The following TMEM255B variants were observed in gnomAD, a reference collection of about 807,000 sequenced individuals.
The protein encoded by TMEM255B is family with sequence similarity 70, member B.
TMEM255B carries 35 observed loss-of-function variants against 34.5 expected under a neutral mutation model. That is an observed-to-expected ratio of 1.01 (90% CI 0.77 to 1.34). The LOEUF (loss-of-function observed/expected upper bound fraction) is 1.34, where lower values mean the gene tolerates loss of function less well. TMEM255B is among the 40% of genes most tolerant of loss of function. The probability of loss-of-function intolerance (pLI) is 0.00; values close to 1 mark genes in which losing one functional copy is unlikely to be tolerated. For synonymous variants in TMEM255B, 206 were observed against 201.2 expected, an observed-to-expected ratio of 1.02 and a Z score of -0.20; for missense variants, 432 against 433.2, an observed-to-expected ratio of 1.00 and a Z score of 0.02.
At chr13:113,789,163 G>GTT (rs879903702) in intron 3 of TMEM255B, among the ~76,000 whole-genome samples, 3 of 143,700 alleles carry the variant, frequency 2.1e-5, no homozygotes, top group Non-Finnish European at 3.1e-5. Flanking sequence ...GCTCAGTGTG[G>GTT]TTTTTTTTTT....
rs564887172 is a variant in TMEM255B at position 113,765,717 on chromosome 13, C to T, written c.47-398C>T. Among the ~76,000 whole-genome samples the T allele has an allele frequency of 3.3e-5, 5 of 152,202 alleles. 1 individual carries two copies. The South Asian group carries it at 6.2e-4, about 19-fold the overall frequency. Reference sequence around the variant, plus strand: ...CCCCACTGGGTGTGGCTGGGATAGGCGGATAGAGAGGGTGTGTCTGTGAGC... The same window carrying T: ...CCCCACTGGGTGTGGCTGGGATAGGTGGATAGAGAGGGTGTGTCTGTGAGC... On this transcript the variant is annotated intron_variant, in intron 1 of 8. Transcript: ENST00000375353.
chr13:113,766,085 A>C, intron 1 of TMEM255B, 30 bp from the exon 2 acceptor site: 1 of 1,612,692 alleles, frequency 6.2e-7, no homozygotes, highest in Admixed American at 1.7e-5. Flanking sequence ...CTGAGCCCTC[A>C]CTGACAGGTC....
chr13:113,814,987 G>C lies in TMEM255B; in HGVS notation c.*3084G>C, dbSNP rs1053003543. ...GCACAGGAGACAGGCTTCTCCTGCAGCTCAGAGGTGGGGGCCTAGTGTAGC... is the reference window on the plus strand; with the variant it reads ...GCACAGGAGACAGGCTTCTCCTGCACCTCAGAGGTGGGGGCCTAGTGTAGC... On this transcript the variant is annotated 3_prime_UTR_variant, in exon 9 of 9. Transcript: ENST00000375353. 2.7e-4 allele frequency: 41 copies of C among 152,060 alleles called. No homozygotes were observed. Among genetic ancestry groups the C allele is most frequent in the African/African-American group, 9.2e-4 (38 of 41,362 alleles). The allele number at this position is 152,060 out of a possible 1,614,324, so 9.4% of individuals were successfully genotyped here.
chr13:113,778,776 C>A (rs72672424), intron 3 of TMEM255B, among the ~76,000 whole-genome samples: 14,112 of 152,238 alleles, frequency 0.093, 730 homozygotes, highest in South Asian at 0.17. Flanking sequence ...CCTCACTAAC[C>A]TGACATTAGG....
At chr13:113,775,003 T>G (rs60093735) in intron 3 of TMEM255B, among the ~76,000 whole-genome samples, 1 of 75,540 alleles carries the variant, frequency 1.3e-5, no homozygotes, top group Non-Finnish European at 2.7e-5. Context: ...CACCACACAC[T>G]CCACACAATA....
chr13:113,793,930 A>AC (rs1008583642), intron 3 of TMEM255B, among the ~76,000 whole-genome samples: 1 of 151,868 alleles, frequency 6.6e-6, no homozygotes, highest in Non-Finnish European at 1.5e-5. Flanking sequence ...GCCAGCCCCC[A>AC]CCCCCCGCCT....
intron 1 of TMEM255B, among the ~76,000 whole-genome samples, chr13:113,764,129 C>T (rs960299900): frequency 2.2e-5 from 3 of 134,404 alleles, no homozygotes; most frequent in Non-Finnish European, 4.8e-5. Flanking sequence ...TGGGATGGGC[C>T]GGGGCGTGGG....
intron 8 of TMEM255B, 118 bp downstream of exon 8, chr13:113,805,146 G>T: frequency 1.6e-6 from 2 of 1,245,568 alleles, no homozygotes; most frequent in Non-Finnish European, 1.1e-6. Context: ...TCTGGATTAG[G>T]GATGGGAGGT....
intron 3 of TMEM255B, among the ~76,000 whole-genome samples, chr13:113,786,331 C>T (rs982621748): frequency 5.3e-5 from 8 of 151,970 alleles, no homozygotes; most frequent in African/African-American, 1.9e-4. Context: ...TCATCACCAT[C>T]CCCATCACCA....
chr13:113,811,769 G>T lies in TMEM255B; in HGVS notation c.847G>T (p.Ala283Ser), dbSNP rs772813521. ...CSRFPVAPSS[A>S]LASSEDLQPP... ...CCGCTTCCCAGTTGCGCCCTCCTCT[G>T]CCCTGGCTTCGTCTGAGGACCTGCA... The change falls in exon 9 of 9, where the codon GCC becomes TCC. Residue 283 changes from alanine to serine, a missense_variant. Ala to Ser is a moderately conservative substitution (Grantham distance 99). Transcript: ENST00000375353. The T allele has an allele frequency of 5.0e-6, 8 of 1,613,766 alleles. No homozygotes were observed. The highest frequency in any genetic ancestry group is 6.8e-6 in the Non-Finnish European group (8 of 1,179,906).
In TMEM255B at chr13:113,770,298, T is replaced by C. The variant is rs1300768288; in HGVS notation, c.252+1138T>C. On this transcript the variant is annotated intron_variant, in intron 3 of 8. Transcript: ENST00000375353. The surrounding 1 kb of genome is among the most constrained non-coding windows in gnomAD (Gnocchi z 4.6). ...ATCTTGTGAGACTTACTCACTATCATGAGAACAGCACAGGAAAGATCTGCC... is the reference window on the plus strand; with the variant it reads ...ATCTTGTGAGACTTACTCACTATCACGAGAACAGCACAGGAAAGATCTGCC... Among the ~76,000 whole-genome samples, 1 of 152,106 alleles carries C rather than the reference T, an allele frequency of 6.6e-6. No individual in the cohort carries two copies. The highest frequency in any genetic ancestry group is 1.5e-5 in the Non-Finnish European group (1 of 68,026).
Position 113,759,277 on chromosome 13 carries a change from C to T in TMEM255B, c.8C>T (p.Pro3Leu), listed in dbSNP as rs1482535784. The stretch of plus-strand genomic sequence containing the variant: ...GCCGGGTGGGGCCTCGGGATGCAGC[C>T]GCCGGTGCCCGGGCCCCTGGGCCTG... MQPPVPGPLGLLD... is the reference protein window; with the variant it reads MQLPVPGPLGLLD... Residue 3 changes from proline to leucine, a missense_variant, in exon 1 of 9, where the codon CCG becomes CTG. By Grantham distance (98) the Pro-to-Leu change is moderately conservative. Transcript: ENST00000375353. The T allele has an allele frequency of 1.4e-5, 17 of 1,228,704 alleles. No individual in the cohort carries two copies. The East Asian group carries it at 5.4e-4, about 39-fold the overall frequency. 76.1% of individuals were successfully genotyped at this position (1,228,704 alleles called of 1,614,324 possible).
In TMEM255B at chr13:113,807,476, G is replaced by A. The variant is rs1398504046; in HGVS notation, c.813+2448G>A. Among the ~76,000 whole-genome samples the A allele has an allele frequency of 2.0e-4, 26 of 127,058 alleles. 1 individual carries two copies. The highest frequency in any genetic ancestry group is 3.4e-4 in the Admixed American group (4 of 11,722). 83.4% of individuals were successfully genotyped at this position (127,058 alleles called of 152,430 possible). A position where few individuals can be genotyped will look rare whatever the true frequency, so the allele number is the denominator to read the frequency against. On this transcript the variant is annotated intron_variant, in intron 8 of 8. Transcript: ENST00000375353. ...ACGGGATGTGGGGGTGGTCCTCCCC[G>A]TCACACGCGGGCTTATGGGATGTGG...
rs763460349 is a variant in TMEM255B, at chr13:113,795,131, C to T, written c.253-17C>T. On this transcript the variant is annotated splice_polypyrimidine_tract_variant and intron_variant, in intron 3 of 8. Transcript: ENST00000375353. ...GTTGGTAAAAGCTGGGCACCCACAC[C>T]TCTCCTTCTGTTGCAGCTGGTGGCA... The T allele has an allele frequency of 6.2e-7, 1 of 1,613,164 alleles. No individual in the cohort carries two copies. Among genetic ancestry groups the T allele is most frequent in the East Asian group, 2.2e-5 (1 of 44,874 alleles).
In TMEM255B at chr13:113,811,772, C is replaced by T. The variant is rs1451549626; in HGVS notation, c.850C>T (p.Leu284=). The change falls in exon 9 of 9, where the codon CTG becomes TTG. Residue 284 remains leucine, a synonymous_variant. Transcript: ENST00000375353. The part of the protein sequence containing the change: ...SRFPVAPSSA[L]ASSEDLQPPS... Reference sequence around the variant, plus strand: ...CTTCCCAGTTGCGCCCTCCTCTGCCCTGGCTTCGTCTGAGGACCTGCAGCC... The same window carrying T: ...CTTCCCAGTTGCGCCCTCCTCTGCCTTGGCTTCGTCTGAGGACCTGCAGCC... 6.2e-7 allele frequency: 1 copy of T among 1,613,932 alleles called. No individual in the cohort carries two copies. Among genetic ancestry groups the T allele is most frequent in the South Asian group, 1.1e-5 (1 of 91,086 alleles).
chr13:113,770,795 G>A lies in TMEM255B; in HGVS notation c.252+1635G>A, dbSNP rs1393739865. Among the ~76,000 whole-genome samples, 1 of 152,140 alleles carries A rather than the reference G, an allele frequency of 6.6e-6. No homozygotes were observed. Among genetic ancestry groups the A allele is most frequent in the African/African-American group, 2.4e-5 (1 of 41,420 alleles). Reference sequence around the variant, plus strand: ...TGGGAGCCAGCATGCCCCCATGATGGTCTCTAGACAGCATCTCTTCAGAGT... The same window carrying A: ...TGGGAGCCAGCATGCCCCCATGATGATCTCTAGACAGCATCTCTTCAGAGT... On this transcript the variant is annotated intron_variant, in intron 3 of 8. Coordinates refer to ENST00000375353, the MANE Select transcript of TMEM255B (RefSeq NM_182614.4). The surrounding 1 kb of genome is among the most constrained non-coding windows in gnomAD (Gnocchi z 4.6).
chr13:113,780,071 G>A (rs1441457429), intron 3 of TMEM255B, among the ~76,000 whole-genome samples: 1 of 152,192 alleles, frequency 6.6e-6, no homozygotes, highest in East Asian at 1.9e-4. Context: ...GCTGAGCCCA[G>A]CCATGGAATT....
chr13:113,774,618 C>T (rs1174616853), intron 3 of TMEM255B, among the ~76,000 whole-genome samples: 3 of 147,382 alleles, frequency 2.0e-5, no homozygotes, highest in Non-Finnish European at 4.5e-5. Flanking sequence ...CCACACAATA[C>T]ACACCACATA....
At chr13:113,798,452 AGGATGGATAAT>A (rs1323355066) in intron 4 of TMEM255B, among the ~76,000 whole-genome samples, 1 of 148,968 alleles carries the variant, frequency 6.7e-6, no homozygotes, top group Non-Finnish European at 1.5e-5. Flanking sequence ...GATGAATCGA[AGGATGGATAAT>A]GGATGGATGA....
Sources: allele counts gnomAD v4.1 joint callset (sites outside exome capture counted in the v4.1 genomes callset), GRCh38; gene constraint gnomAD v4.1.1; non-coding constraint Gnocchi (gnomAD v3.1); transcripts MANE v1.5; gene names NCBI Gene and HGNC (gene_info 2026-07-23, HGNC 2026-07-21).